RASGRF2: variants seen among roughly 807,000 people sequenced by gnomAD.
RASGRF2 encodes the protein ras-specific guanine nucleotide-releasing factor 2.
In RASGRF2, 76 loss-of-function variants were observed where a neutral mutation model predicts 151.0. The observed-to-expected ratio is 0.50, with a 90% confidence interval of 0.42 to 0.61. The LOEUF (loss-of-function observed/expected upper bound fraction) is 0.61. Among genes scored for constraint, RASGRF2 ranks in the 20% least tolerant of loss-of-function variants. RASGRF2 has a pLI of 0.00. For synonymous variants in RASGRF2, 504 were observed against 566.5 expected, an observed-to-expected ratio of 0.89 and a Z score of 1.57; for missense variants, 1,148 against 1,564.6, an observed-to-expected ratio of 0.73 and a Z score of 4.49.
chr5:81,021,559 C>CGT lies in RASGRF2; in HGVS notation c.289-21297_289-21296dup, dbSNP rs34148067. Among the ~76,000 whole-genome samples the CGT allele has an allele frequency of 7.5e-3, 1,125 of 150,152 alleles. 8 individuals carry two copies. Among genetic ancestry groups the CGT allele is most frequent in the South Asian group, 9.6e-3 (45 of 4,712 alleles). On this transcript the variant is annotated intron_variant, in intron 1 of 26. Coordinates refer to ENST00000265080, the MANE Select transcript of RASGRF2 (RefSeq NM_006909.3). ...TCACATGTTCTTGAGATTGTGCGAG[C>CGT]GTGTGTGTGTGTGTGTGTGTGTCTA...
At chr5:80,987,705 T>C (rs1748516457) in intron 1 of RASGRF2, among the ~76,000 whole-genome samples, 1 of 152,158 alleles carries the variant, frequency 6.6e-6, no homozygotes, top group Non-Finnish European at 1.5e-5. Context: ...ACAATGTAGA[T>C]TCTTCGTTAA....
intron 26 of RASGRF2, among the ~76,000 whole-genome samples, chr5:81,225,471 G>C (rs1240705529): frequency 6.6e-6 from 1 of 150,902 alleles, no homozygotes; most frequent in African/African-American, 2.4e-5. Context: ...CTTGAGGGAG[G>C]TACCTGGGAT....
At chr5:81,144,866 C>G (rs942181058) in intron 17 of RASGRF2, among the ~76,000 whole-genome samples, 3 of 152,094 alleles carry the variant, frequency 2.0e-5, no homozygotes, top group African/African-American at 4.8e-5. Context: ...TCATCTGGCT[C>G]TTCTAACCAC....
intron 1 of RASGRF2, among the ~76,000 whole-genome samples, chr5:81,018,113 A>G (rs563581390): frequency 1.5e-4 from 23 of 152,108 alleles, no homozygotes; most frequent in Non-Finnish European, 2.4e-4. Context: ...TCTCAAAAAA[A>G]AAAGAAAGAA....
chr5:80,975,026 C>T (rs1444382299), intron 1 of RASGRF2, among the ~76,000 whole-genome samples: 1 of 152,026 alleles, frequency 6.6e-6, no homozygotes, highest in East Asian at 1.9e-4. Context: ...TATAGCCTTC[C>T]CAGAGTCTTC....
At chr5:81,223,593 A>G (rs184235847) in intron 26 of RASGRF2, 8 of 152,142 alleles carry the variant, frequency 5.3e-5, no homozygotes, top group African/African-American at 9.6e-5. Context: ...GTGAGCCAAG[A>G]TTGCGCCACT....
intron 18 of RASGRF2, among the ~76,000 whole-genome samples, chr5:81,188,280 T>C (rs555057221): frequency 1.3e-5 from 2 of 152,328 alleles, no homozygotes; most frequent in South Asian, 4.1e-4. Flanking sequence ...TTGAGATCTT[T>C]ATAGGAGAAA....
At chr5:81,194,580 C>T (rs886847645) in intron 18 of RASGRF2, among the ~76,000 whole-genome samples, 1 of 152,164 alleles carries the variant, frequency 6.6e-6, no homozygotes, top group African/African-American at 2.4e-5. Flanking sequence ...CTGGCATCAT[C>T]GGTGGACAGT....
intron 17 of RASGRF2, among the ~76,000 whole-genome samples, chr5:81,149,795 G>A (rs566747969): frequency 1.6e-4 from 25 of 152,102 alleles, no homozygotes; most frequent in Non-Finnish European, 3.4e-4. Flanking sequence ...CCCATTTAAA[G>A]TATCTAATTC....
chr5:81,223,997 T>C (rs892658530), intron 26 of RASGRF2, among the ~76,000 whole-genome samples: 1 of 152,142 alleles, frequency 6.6e-6, no homozygotes, highest in African/African-American at 2.4e-5. Context: ...TTAATGAAAA[T>C]TAAGGACTTC....
At chr5:81,181,264 A>T (rs1754911124) in intron 18 of RASGRF2, among the ~76,000 whole-genome samples, 1 of 152,184 alleles carries the variant, frequency 6.6e-6, no homozygotes, top group South Asian at 2.1e-4. Context: ...CGGTAGTGAC[A>T]GTCTGTTCAA....
intron 18 of RASGRF2, among the ~76,000 whole-genome samples, chr5:81,194,955 C>T (rs902711847): frequency 2.0e-5 from 3 of 152,248 alleles, no homozygotes; most frequent in African/African-American, 7.2e-5. Context: ...TTTCTGAGTG[C>T]GCCACCTTTG....
intron 2 of RASGRF2, among the ~76,000 whole-genome samples, chr5:81,053,286 C>T: frequency 7.8e-6 from 1 of 128,878 alleles, no homozygotes; most frequent in Non-Finnish European, 1.6e-5. Flanking sequence ...TCCCCCCACC[C>T]CATGACAGGC....
Position 81,043,001 on chromosome 5 carries a change from C to G in RASGRF2, c.395+18C>G. ...CAAGCCAGGTATAGGCTCAGTCTTC[C>G]TGTGTAGTACTTGATTGTCTGGGTC... On this transcript the variant is annotated intron_variant, in intron 2 of 26. Coordinates refer to ENST00000265080, the MANE Select transcript of RASGRF2 (RefSeq NM_006909.3). 3.8e-6 allele frequency: 6 copies of G among 1,565,890 alleles called. No homozygotes were observed. The highest frequency in any genetic ancestry group is 5.3e-6 in the Non-Finnish European group (6 of 1,142,422).
At chr5:81,216,607 A>G (rs1755746041) in intron 24 of RASGRF2, among the ~76,000 whole-genome samples, 4 of 152,244 alleles carry the variant, frequency 2.6e-5, no homozygotes, top group Admixed American at 2.6e-4. Flanking sequence ...TTTCATGCTA[A>G]GTGCTTGATG....
At chr5:81,011,265 A>T (rs547755357) in intron 1 of RASGRF2, among the ~76,000 whole-genome samples, 1 of 151,710 alleles carries the variant, frequency 6.6e-6, no homozygotes. Flanking sequence ...ATGTTGGTAC[A>T]TGTAGATCTA....
At chr5:81,216,047 T>G (rs961237713) in intron 24 of RASGRF2, 92 bp downstream of exon 24, 143 of 1,220,274 alleles carry the variant, frequency 1.2e-4, no homozygotes, top group Non-Finnish European at 1.4e-4. Flanking sequence ...CCACCTACTT[T>G]GCTTTGAAAA....
rs752817737 is a variant in RASGRF2, at chr5:81,219,710, A to T, written c.3553A>T (p.Ile1185Leu). 1.2e-6 allele frequency: 2 copies of T among 1,607,062 alleles called. No homozygotes were observed. Among genetic ancestry groups the T allele is most frequent in the African/African-American group, 1.3e-5 (1 of 74,832 alleles). The change falls in exon 26 of 27, where the codon ATA (isoleucine) becomes TTA (leucine). Residue 1185 changes from isoleucine to leucine, a missense_variant and splice_region_variant. Coordinates refer to ENST00000265080, the MANE Select transcript of RASGRF2 (RefSeq NM_006909.3). ...GLVNFSKMRM[I>L]SHIIREIRQF... ...TTTGTTTTGTTTTTTTCTCTGTTAG[A>T]TATCACACATCATCAGAGAGATACG...
intron 1 of RASGRF2, among the ~76,000 whole-genome samples, chr5:81,005,507 G>T (rs984764926): frequency 5.9e-5 from 9 of 152,088 alleles, no homozygotes; most frequent in Non-Finnish European, 1.0e-4. Flanking sequence ...TTGGGTGGGG[G>T]GCACAGCCAA....
Sources: allele counts gnomAD v4.1 joint callset (sites outside exome capture counted in the v4.1 genomes callset), GRCh38; gene constraint gnomAD v4.1.1; transcripts MANE v1.5; gene names NCBI Gene and HGNC (gene_info 2026-07-23, HGNC 2026-07-21).